SH3RF3: variants seen among roughly 807,000 people sequenced by gnomAD.
SH3RF3 encodes E3 ubiquitin-protein ligase SH3RF3.
SH3RF3 carries 29 observed loss-of-function variants against 66.3 expected under a neutral mutation model. The ratio of observed to expected loss-of-function variants is 0.44; its 90% CI spans 0.33 to 0.60. SH3RF3 has a LOEUF of 0.60. Among genes scored for constraint, SH3RF3 ranks in the 20% least tolerant of loss-of-function variants. The probability of loss-of-function intolerance (pLI) is 0.04; values close to 1 mark genes in which losing one functional copy is unlikely to be tolerated. For missense variants in SH3RF3, 1,194 were observed against 1,190.9 expected, an observed-to-expected ratio of 1.00 and a Z score of -0.04; for synonymous variants, 583 against 532.0, an observed-to-expected ratio of 1.10 and a Z score of -1.32.
At chr2:109,457,130 A>G (rs923225397) in intron 8 of SH3RF3, among the ~76,000 whole-genome samples, 2 of 152,154 alleles carry the variant, frequency 1.3e-5, no homozygotes, top group Non-Finnish European at 2.9e-5. Flanking sequence ...AGCACCTACC[A>G]CCCTGAGTTG....
intron 8 of SH3RF3, among the ~76,000 whole-genome samples, chr2:109,451,456 A>G (rs1319803144): frequency 1.3e-5 from 2 of 152,196 alleles, no homozygotes; most frequent in African/African-American, 4.8e-5. Context: ...TTCTTTGCCC[A>G]AGAATTCCCT....
chr2:109,444,766 CAG>C (rs1677661498), intron 7 of SH3RF3, among the ~76,000 whole-genome samples: 1 of 152,156 alleles, frequency 6.6e-6, no homozygotes, highest in African/African-American at 2.4e-5. Flanking sequence ...GCCGCAAGCT[CAG>C]GGTGAGCTGG....
intron 1 of SH3RF3, among the ~76,000 whole-genome samples, chr2:109,232,093 G>A (rs1679527718): frequency 6.6e-6 from 1 of 152,200 alleles, no homozygotes; most frequent in Non-Finnish European, 1.5e-5. Context: ...GCCGCTACAA[G>A]TATTTATGTG....
intron 7 of SH3RF3, among the ~76,000 whole-genome samples, chr2:109,445,813 C>A (rs945678665): frequency 1.3e-5 from 2 of 151,948 alleles, no homozygotes; most frequent in African/African-American, 4.8e-5. Context: ...GGAAGCGATA[C>A]CCCTGAAAAT....
At chr2:109,445,132 AT>A (rs1207188564) in intron 7 of SH3RF3, among the ~76,000 whole-genome samples, 1 of 152,244 alleles carries the variant, frequency 6.6e-6, no homozygotes, top group Non-Finnish European at 1.5e-5. Context: ...AGAGGAATTT[AT>A]CCAGAATACA....
intron 2 of SH3RF3, among the ~76,000 whole-genome samples, chr2:109,365,366 G>T (rs999403724): frequency 2.0e-5 from 3 of 152,188 alleles, no homozygotes; most frequent in Non-Finnish European, 4.4e-5. Flanking sequence ...GGCCCTCCTA[G>T]CCGAGCACTG....
At chr2:109,496,232 C>A (rs546157918) in intron 9 of SH3RF3, among the ~76,000 whole-genome samples, 2 of 152,132 alleles carry the variant, frequency 1.3e-5, no homozygotes, top group South Asian at 4.1e-4. Context: ...CTGATTGGCG[C>A]GTTTTACAGA....
At chr2:109,397,440 G>A (rs1676179840) in intron 3 of SH3RF3, among the ~76,000 whole-genome samples, 1 of 152,132 alleles carries the variant, frequency 6.6e-6, no homozygotes, top group East Asian at 1.9e-4. Flanking sequence ...CCACCTCTGT[G>A]TACACAATAA....
At chr2:109,279,675 C>T (rs998955239) in intron 1 of SH3RF3, among the ~76,000 whole-genome samples, 5 of 152,330 alleles carry the variant, frequency 3.3e-5, no homozygotes, top group Non-Finnish European at 5.9e-5. Context: ...GGAATTCTGT[C>T]ATTGGAATTT....
intron 1 of SH3RF3, among the ~76,000 whole-genome samples, chr2:109,209,677 C>G (rs1020933148): frequency 2.6e-5 from 4 of 152,052 alleles, no homozygotes; most frequent in Non-Finnish European, 5.9e-5. Context: ...AAGCAGGACC[C>G]ATTTCTAAAG....
intron 9 of SH3RF3, 40 bp from the exon 10 acceptor site, chr2:109,501,463 A>G (rs1169882662): frequency 1.3e-6 from 1 of 754,616 alleles, no homozygotes; most frequent in Non-Finnish European, 2.5e-6. Flanking sequence ...GCAGATGGAG[A>G]TTGTCTGTGT....
chr2:109,341,801 C>T (rs1392761670), intron 1 of SH3RF3, among the ~76,000 whole-genome samples: 1 of 152,194 alleles, frequency 6.6e-6, no homozygotes, highest in African/African-American at 2.4e-5. Flanking sequence ...GCAGGAATCA[C>T]TTTCACTTGC....
intron 1 of SH3RF3, among the ~76,000 whole-genome samples, chr2:109,255,149 T>C (rs1045190485): frequency 2.0e-5 from 3 of 152,194 alleles, no homozygotes; most frequent in African/African-American, 7.2e-5. Context: ...TGTGTGTACA[T>C]GTGCACGTGT....
At position 109,147,867 on chromosome 2, in the gene SH3RF3, A is replaced by G. The variant is rs1677136385; in HGVS notation, c.573+17754A>G. On this transcript the variant is annotated intron_variant, in intron 1 of 9. Coordinates refer to ENST00000309415, the MANE Select transcript of SH3RF3 (RefSeq NM_001099289.3). The stretch of plus-strand genomic sequence containing the variant: ...TGCATATGCATTTCCATATATACAT[A>G]TAAAGTTAGACCTTTTATAAACTCT... Among the ~76,000 whole-genome samples the G allele has an allele frequency of 2.6e-5, 4 of 152,248 alleles. No individual in the cohort carries two copies. In the South Asian group the frequency reaches 8.3e-4, roughly 31 times the overall value.
At chr2:109,407,266 C>A (rs965587416) in intron 4 of SH3RF3, among the ~76,000 whole-genome samples, 2 of 152,176 alleles carry the variant, frequency 1.3e-5, no homozygotes, top group African/African-American at 2.4e-5. Context: ...TAGGAACATA[C>A]CCTTTAAAAT....
In SH3RF3 at chr2:109,433,134, G is replaced by T. The variant is rs559886637; in HGVS notation, c.1574+463G>T. On this transcript the variant is annotated intron_variant, in intron 6 of 9. Coordinates refer to ENST00000309415, the MANE Select transcript of SH3RF3 (RefSeq NM_001099289.3). The stretch of plus-strand genomic sequence containing the variant: ...GTGCACGTGCGTATGCATACTGTAA[G>T]CACAAGGTGTGTGCGTGTGTGCATA... Among the ~76,000 whole-genome samples, 6 of 152,358 alleles carry T rather than the reference G, an allele frequency of 3.9e-5. No individual in the cohort carries two copies. The East Asian group carries it at 1.2e-3, about 29-fold the overall frequency.
chr2:109,347,955 G>A lies in SH3RF3; in HGVS notation c.849+6G>A, dbSNP rs1682754535. 1.9e-6 allele frequency: 3 copies of A among 1,592,524 alleles called. No individual in the cohort carries two copies. Among genetic ancestry groups the A allele is most frequent in the Admixed American group, 1.8e-5 (1 of 56,942 alleles). ...ACTGTCTGACCTTCACCAAGGTAAG[G>A]TGAGCCCCGGGGTGGGCCCCGCCAG... On this transcript the variant is annotated splice_donor_region_variant and intron_variant, in intron 2 of 9. Coordinates refer to ENST00000309415, the MANE Select transcript of SH3RF3 (RefSeq NM_001099289.3).
At chr2:109,262,137 T>G (rs1370764534) in intron 1 of SH3RF3, among the ~76,000 whole-genome samples, 1 of 152,132 alleles carries the variant, frequency 6.6e-6, no homozygotes, top group East Asian at 1.9e-4. Context: ...GGGAAATGCT[T>G]ATTATTACAG....
At chr2:109,457,884 G>A (rs1187327584) in intron 8 of SH3RF3, among the ~76,000 whole-genome samples, 1 of 152,180 alleles carries the variant, frequency 6.6e-6, no homozygotes, top group Non-Finnish European at 1.5e-5. Context: ...CTCCCAGAAG[G>A]CAACAAAGTC....
Sources: allele counts gnomAD v4.1 joint callset (sites outside exome capture counted in the v4.1 genomes callset), GRCh38; gene constraint gnomAD v4.1.1; transcripts MANE v1.5; gene names NCBI Gene and HGNC (gene_info 2026-07-23, HGNC 2026-07-21).